The following IL20RB variants were observed in gnomAD, a reference collection of about 807,000 sequenced individuals.
The protein encoded by IL20RB is interleukin-20 receptor subunit beta.
IL20RB carries 21 observed loss-of-function variants against 33.3 expected under a neutral mutation model. The ratio of observed to expected loss-of-function variants is 0.63; its 90% CI spans 0.45 to 0.91. The LOEUF (loss-of-function observed/expected upper bound fraction) is 0.91. Among genes scored for constraint, IL20RB ranks in the 40% least tolerant of loss-of-function variants. The pLI, the probability that IL20RB is intolerant of heterozygous loss-of-function variation, is 0.00. For missense variants in IL20RB, 345 were observed against 384.8 expected, an observed-to-expected ratio of 0.90 and a Z score of 0.86; for synonymous variants, 147 against 146.8, an observed-to-expected ratio of 1.00 and a Z score of -0.01.
intron 1 of IL20RB, among the ~76,000 whole-genome samples, chr3:136,977,046 C>T (rs1941636097): frequency 2.0e-5 from 3 of 152,194 alleles, no homozygotes; most frequent in Admixed American, 1.3e-4. Flanking sequence ...GCTGCCTCTC[C>T]TCCTCCTTCC....
intron 3 of IL20RB, chr3:136,986,789 G>C (rs1460505211): frequency 6.6e-6 from 3 of 455,738 alleles, no homozygotes; most frequent in Non-Finnish European, 1.3e-5. Flanking sequence ...CTCGCGGTGA[G>C]TGTTACAGCT....
intron 6 of IL20RB, among the ~76,000 whole-genome samples, chr3:137,009,307 T>TA (rs1933019529): frequency 1.3e-5 from 2 of 152,256 alleles, no homozygotes. Flanking sequence ...AGGCGAGTAA[T>TA]AGGTGGGAGA....
chr3:136,980,615 TC>T, intron 2 of IL20RB, 23 bp downstream of exon 2: 1 of 1,613,808 alleles, frequency 6.2e-7, no homozygotes, highest in Non-Finnish European at 8.5e-7. Flanking sequence ...TTTTAATAGT[TC>T]TTCTCCCTTA....
intron 4 of IL20RB, among the ~76,000 whole-genome samples, chr3:136,990,614 C>T (rs913633574): frequency 1.3e-5 from 2 of 152,188 alleles, no homozygotes; most frequent in African/African-American, 4.8e-5. Context: ...GAAGAAGAAT[C>T]CAATTGGTCT....
At position 136,995,405 on chromosome 3, in the gene IL20RB, T is replaced by C; in HGVS notation, c.683-9T>C. 1 of 1,613,226 alleles carries C rather than the reference T, an allele frequency of 6.2e-7. No individual in the cohort carries two copies. Among genetic ancestry groups the C allele is most frequent in the Non-Finnish European group, 8.5e-7 (1 of 1,179,622 alleles). ...GTTTTCTAAGCCTGTTTTTATCTTT[T>C]GTTTCCAGGAGAGGCCATTCCCCTG... On this transcript the variant is annotated splice_polypyrimidine_tract_variant and intron_variant, in intron 5 of 6. Coordinates refer to ENST00000329582, the MANE Select transcript of IL20RB (RefSeq NM_144717.4).
Position 136,980,537 on chromosome 3 carries a change from T to A in IL20RB, c.160T>A (p.Trp54Arg). 6.2e-7 allele frequency: 1 copy of A among 1,614,228 alleles called. No individual in the cohort carries two copies. The highest frequency in any genetic ancestry group is 8.5e-7 in the Non-Finnish European group (1 of 1,180,044). ...AACCAACATGAAGCATCTCTTGATG[T>A]GGAGCCCAGTGATCGCGCCTGGAGA... ...LSTNMKHLLMWSPVIAPGETV... is the reference protein window; with the variant it reads ...LSTNMKHLLMRSPVIAPGETV... Residue 54 changes from tryptophan (W) to arginine (R), a missense_variant, in exon 2 of 7, where the codon TGG (tryptophan) becomes AGG (arginine). Transcript: ENST00000329582.
intron 3 of IL20RB, among the ~76,000 whole-genome samples, chr3:136,988,185 A>C (rs1434239901): frequency 1.3e-5 from 2 of 152,182 alleles, no homozygotes; most frequent in Non-Finnish European, 2.9e-5. Flanking sequence ...TTAGCCCAGA[A>C]CATGCCCCAC....
intron 6 of IL20RB, 105 bp from the exon 7 acceptor site, chr3:137,010,008 G>C (rs1933043152): frequency 1.5e-6 from 1 of 662,114 alleles, no homozygotes; most frequent in Non-Finnish European, 2.6e-6. Flanking sequence ...TTTTGTTTTT[G>C]CTGCTTGGAA....
intron 6 of IL20RB, among the ~76,000 whole-genome samples, chr3:137,007,889 G>T (rs1487772314): frequency 6.6e-6 from 1 of 152,184 alleles, no homozygotes; most frequent in Non-Finnish European, 1.5e-5. Flanking sequence ...GGGGGCTGCA[G>T]ACTGGAGTGT....
intron 3 of IL20RB, 63 bp from the exon 4 acceptor site, chr3:136,989,378 G>C (rs923317590): frequency 1.9e-6 from 3 of 1,596,190 alleles, no homozygotes; most frequent in Non-Finnish European, 2.6e-6. Flanking sequence ...CCCGGTCATT[G>C]TGTTCCAGGG....
rs143263298 is a variant in IL20RB at position 136,982,785 on chromosome 3, C to T, written c.406+435C>T. Among the ~76,000 whole-genome samples the T allele has an allele frequency of 2.3e-3, 354 of 152,288 alleles. 2 individuals are homozygous for T. Among genetic ancestry groups the T allele is most frequent in the African/African-American group, 7.6e-3 (317 of 41,574 alleles). On this transcript the variant is annotated intron_variant, in intron 3 of 6. Transcript: ENST00000329582. ...AAGAGGATTTATACACTTAACAGAG[C>T]CACCAGAAAATTGCCCTTCTGTAAT...
chr3:136,987,476 A>G (rs1052143975), intron 3 of IL20RB, among the ~76,000 whole-genome samples: 2 of 152,226 alleles, frequency 1.3e-5, no homozygotes, highest in African/African-American at 4.8e-5. Context: ...TGAGCTAGAC[A>G]TAAAGATTCT....
chr3:136,987,459 C>T (rs935121917), intron 3 of IL20RB, among the ~76,000 whole-genome samples: 1 of 152,172 alleles, frequency 6.6e-6, no homozygotes, highest in Non-Finnish European at 1.5e-5. Flanking sequence ...GGTGTATTTA[C>T]AATCCCTGAG....
chr3:136,967,187 G>T (rs557851851), intron 1 of IL20RB, among the ~76,000 whole-genome samples: 1 of 151,450 alleles, frequency 6.6e-6, no homozygotes, highest in Non-Finnish European at 1.5e-5. Context: ...ATTTGGGGTG[G>T]AGAGTTCTGT....
At chr3:136,959,685 G>T (rs186189391) in intron 1 of IL20RB, 1 of 152,208 alleles carries the variant, frequency 6.6e-6, no homozygotes, top group Non-Finnish European at 1.5e-5. Flanking sequence ...CTGGAGGTGA[G>T]TGTGCACTTC....
chr3:136,963,442 C>A (rs1326535028), intron 1 of IL20RB, among the ~76,000 whole-genome samples: 5 of 152,146 alleles, frequency 3.3e-5, no homozygotes, highest in Admixed American at 1.3e-4. Context: ...TGTATCCTTG[C>A]CAGCATTTAG....
chr3:136,987,044 T>C (rs1941918188), intron 3 of IL20RB, among the ~76,000 whole-genome samples: 1 of 152,092 alleles, frequency 6.6e-6, no homozygotes, highest in African/African-American at 2.4e-5. Flanking sequence ...ATAAAAGCAG[T>C]GTGGACCCAA....
chr3:136,992,159 G>C (rs1942045885), intron 5 of IL20RB, 71 bp downstream of exon 5: 3 of 1,519,482 alleles, frequency 2.0e-6, no homozygotes, highest in Middle Eastern at 2.2e-4. Context: ...TCAGAGGCCT[G>C]CTGGGTTCCT....
chr3:137,010,129 C>T lies in IL20RB; in HGVS notation c.842C>T (p.Pro281Leu), dbSNP rs777001541. ...LPDTLKITNS[P>L]QKLISCRREE... ...ATTTTTCAGAAAATAACCAATTCAC[C>T]CCAGAAGTTAATCAGCTGCAGAAGG... The change falls in exon 7 of 7, where the codon CCC becomes CTC. Residue 281 changes from proline (P) to leucine (L), a missense_variant. Transcript: ENST00000329582. The T allele has an allele frequency of 1.9e-6, 3 of 1,587,546 alleles. No individual in the cohort carries two copies. The highest frequency in any genetic ancestry group is 2.7e-5 in the African/African-American group (2 of 74,308).
Sources: gnomAD v4.1 joint callset for allele counts (sites outside exome capture counted in the v4.1 genomes callset) on GRCh38, gnomAD v4.1.1 for gene constraint, MANE v1.5 for transcripts, NCBI Gene and HGNC (gene_info 2026-07-23, HGNC 2026-07-21) for gene names.